RAI1: variants seen among roughly 807,000 people sequenced by gnomAD.
The protein encoded by RAI1 is retinoic acid induced 1, also known as retinoic acid-induced protein 1.
A neutral mutation model predicts 123.8 loss-of-function variants in RAI1; 9 were observed. That is an observed-to-expected ratio of 0.07 (90% CI 0.04 to 0.13). The LOEUF (loss-of-function observed/expected upper bound fraction) is 0.13, where lower values mean the gene tolerates loss of function less well. RAI1 is among the 10% of genes least tolerant of loss of function. The pLI is 1.00. For synonymous variants in RAI1, 1,231 were observed against 1,127.3 expected (o/e 1.09, Z -1.84); for missense variants, 2,256 against 2,545.8 (o/e 0.89, Z 2.45).
rs1290085497 is a variant in RAI1, at chr17:17,798,411, G to A, written c.5463G>A (p.Glu1821=). ...APAEPGGEAQ[E]HWVHEACAVW... is the part of the protein sequence containing the mutation. ...CAGAGCCCGGCGGGGAGGCCCAGGAGCACTGGGTGCATGAGGCCTGTGCCG... is the reference window on the plus strand; with the variant it reads ...CAGAGCCCGGCGGGGAGGCCCAGGAACACTGGGTGCATGAGGCCTGTGCCG... The change falls in exon 3 of 6, where the codon GAG becomes GAA. Residue 1821 remains glutamate, a synonymous_variant. Transcript: ENST00000353383. 6.2e-7 allele frequency: 1 copy of A among 1,610,514 alleles called. No individual in the cohort carries two copies. Among genetic ancestry groups the A allele is most frequent in the African/African-American group, 1.3e-5 (1 of 74,918 alleles).
At position 17,755,357 on chromosome 17, in the gene RAI1, G is replaced by A. The variant is rs147943890; in HGVS notation, c.-17+31198G>A. Among the ~76,000 whole-genome samples the A allele has an allele frequency of 4.2e-3, 638 of 152,344 alleles. 6 individuals carry two copies. Among genetic ancestry groups the A allele is most frequent in the African/African-American group, 0.014 (601 of 41,568 alleles). On this transcript the variant is annotated intron_variant, in intron 2 of 5. Coordinates refer to ENST00000353383, the MANE Select transcript of RAI1 (RefSeq NM_030665.4). ...GGCGGGAGTGATGCAGAAAGGAGAG[G>A]TGTAGGCCTAGAGTTAGGAGGGCAG...
intron 1 of RAI1, among the ~76,000 whole-genome samples, chr17:17,694,750 C>T (rs1914956865): frequency 6.7e-6 from 1 of 150,160 alleles, no homozygotes; most frequent in East Asian, 1.9e-4. Context: ...GCGCTGAGGC[C>T]AGGCGGGGGG....
At chr17:17,750,758 G>A (rs1265392967) in intron 2 of RAI1, among the ~76,000 whole-genome samples, 1 of 151,344 alleles carries the variant, frequency 6.6e-6, no homozygotes, top group Non-Finnish European at 1.5e-5. Context: ...GCAGCCAAAG[G>A]CTGAGACCCT....
chr17:17,692,274 G>A (rs547548709), intron 1 of RAI1, among the ~76,000 whole-genome samples: 1 of 152,186 alleles, frequency 6.6e-6, no homozygotes, highest in Non-Finnish European at 1.5e-5. Flanking sequence ...TTGGGAAGGT[G>A]GGGGGTTCCT....
chr17:17,796,837 A>T lies in RAI1; in HGVS notation c.3889A>T (p.Thr1297Ser), dbSNP rs771536881. 3.1e-6 allele frequency: 5 copies of T among 1,610,482 alleles called. No individual in the cohort carries two copies. The Admixed American group carries it at 8.4e-5, about 27-fold the overall frequency. The change falls in exon 3 of 6, where the codon ACC becomes TCC. Residue 1297 changes from threonine to serine, a missense_variant. Transcript: ENST00000353383. The surrounding 1 kb of genome is among the most constrained non-coding windows in gnomAD (Gnocchi z 5.8). ...EPATKLPPPE[T>S]PDACLKLASR... ...TGCCACAAAGCTCCCACCCCCGGAGACCCCCGATGCCTGCCTCAAGCTCGC... is the reference window on the plus strand; with the variant it reads ...TGCCACAAAGCTCCCACCCCCGGAGTCCCCCGATGCCTGCCTCAAGCTCGC...
rs370850432 is a variant in RAI1 at position 17,796,673 on chromosome 17, G to C, written c.3725G>C (p.Arg1242Pro). The C allele has an allele frequency of 6.2e-7, 1 of 1,612,808 alleles. No individual in the cohort carries two copies. ...VPTKKRNLVL[R>P]SRSSSSSNAS... ...ACCAAGAAGCGGAACCTGGTCTTGC[G>C]GAGCCGCAGCAGCAGCAGCAGCAAC... Residue 1242 changes from arginine (R) to proline (P), a missense_variant, in exon 3 of 6, where the codon CGG (arginine) becomes CCG (proline). By Grantham distance (103) the Arg-to-Pro change is moderately radical. This residue lies in a region of RAI1 where 322 missense variants were observed against 358.0 expected (regional missense o/e 0.90). Coordinates refer to ENST00000353383, the MANE Select transcript of RAI1 (RefSeq NM_030665.4). This position sits in a 1 kb window ranked among gnomAD's most constrained non-coding sequence, Gnocchi z 5.8.
At chr17:17,712,500 G>A (rs1352435959) in intron 1 of RAI1, among the ~76,000 whole-genome samples, 1 of 152,226 alleles carries the variant, frequency 6.6e-6, no homozygotes, top group African/African-American at 2.4e-5. Context: ...TGGCATAGGA[G>A]ACTGTGGGCT....
chr17:17,802,157 A>T (rs1271199702), intron 3 of RAI1: 2 of 470,934 alleles, frequency 4.2e-6, no homozygotes, highest in Non-Finnish European at 4.4e-6. Context: ...GTCCACTCCA[A>T]GCAGCTGGTC....
intron 1 of RAI1, among the ~76,000 whole-genome samples, chr17:17,695,874 C>G (rs1390827031): frequency 6.6e-6 from 1 of 152,170 alleles, no homozygotes; most frequent in African/African-American, 2.4e-5. Flanking sequence ...CACCTCCTAC[C>G]TGTACTGAGT....
intron 2 of RAI1, among the ~76,000 whole-genome samples, chr17:17,728,484 G>A (rs997730129): frequency 6.6e-6 from 1 of 152,222 alleles, no homozygotes. Context: ...GATGCAAAAT[G>A]GGGTAGGGTC....
chr17:17,723,760 G>A (rs1915971247), intron 1 of RAI1, among the ~76,000 whole-genome samples: 1 of 146,302 alleles, frequency 6.8e-6, no homozygotes, highest in Admixed American at 6.8e-5. Flanking sequence ...CCCCCTCATC[G>A]CGCGCCCCTC....
intron 1 of RAI1, among the ~76,000 whole-genome samples, chr17:17,709,010 A>T (rs1915479536): frequency 6.6e-6 from 1 of 152,326 alleles, no homozygotes; most frequent in Non-Finnish European, 1.5e-5. Context: ...GGGCCAGGAC[A>T]TGCCGCTTTA....
intron 2 of RAI1, among the ~76,000 whole-genome samples, chr17:17,748,160 T>C (rs1598051445): frequency 6.6e-6 from 1 of 152,362 alleles, no homozygotes; most frequent in Admixed American, 6.5e-5. Context: ...TCTTTACTCA[T>C]TCATCTAACA....
At chr17:17,732,999 C>T (rs374560288) in intron 2 of RAI1, among the ~76,000 whole-genome samples, 45 of 152,224 alleles carry the variant, frequency 3.0e-4, no homozygotes, top group African/African-American at 9.6e-4. Context: ...ATTTTGCTTC[C>T]CTGAAAAAAA....
intron 1 of RAI1, among the ~76,000 whole-genome samples, chr17:17,690,580 T>TAACAA: frequency 6.6e-6 from 1 of 152,184 alleles, no homozygotes; most frequent in Non-Finnish European, 1.5e-5. Flanking sequence ...TTCATAGTTT[T>TAACAA]GTTAAGAGGA....
rs757834711 is a variant in RAI1 at position 17,796,653 on chromosome 17, G to A, written c.3705G>A (p.Lys1235=). The stretch of plus-strand genomic sequence containing the variant: ...CCTTCATGGCGCCGGTCCCCACCAA[G>A]AAGCGGAACCTGGTCTTGCGGAGCC... The part of the protein sequence containing the change: ...KSAFMAPVPT[K]KRNLVLRSRS... The change falls in exon 3 of 6, where the codon AAG becomes AAA. Residue 1235 remains lysine, a synonymous_variant. Coordinates refer to ENST00000353383, the MANE Select transcript of RAI1 (RefSeq NM_030665.4). The surrounding 1 kb of genome is among the most constrained non-coding windows in gnomAD (Gnocchi z 5.8). The A allele has an allele frequency of 3.1e-6, 5 of 1,612,210 alleles. No homozygotes were observed. The African/African-American group carries it at 5.3e-5, about 17-fold the overall frequency.
In RAI1 at chr17:17,795,334, G is replaced by A. The variant is rs1438969690; in HGVS notation, c.2386G>A (p.Glu796Lys). ...EASACLGFQEEDPPGEKVASL... is the reference protein window; with the variant it reads ...EASACLGFQEKDPPGEKVASL... The stretch of plus-strand genomic sequence containing the variant: ...TTCGGCCTGCCTGGGCTTCCAGGAG[G>A]AGGACCCCCCTGGGGAGAAGGTGGC... Residue 796 changes from glutamate (E) to lysine (K), a missense_variant, in exon 3 of 6, where the codon GAG (glutamate) becomes AAG (lysine). This residue lies in a region of RAI1 where 566 missense variants were observed against 616.0 expected (regional missense o/e 0.92). Transcript: ENST00000353383. This position sits in a 1 kb window ranked among gnomAD's most constrained non-coding sequence, Gnocchi z 5.9. The A allele has an allele frequency of 6.2e-7, 1 of 1,603,328 alleles. No homozygotes were observed. Among genetic ancestry groups the A allele is most frequent in the Non-Finnish European group, 8.5e-7 (1 of 1,172,458 alleles).
At chr17:17,707,997 G>C (rs1363076279) in intron 1 of RAI1, among the ~76,000 whole-genome samples, 1 of 152,174 alleles carries the variant, frequency 6.6e-6, no homozygotes, top group East Asian at 1.9e-4. Context: ...GCCAGACAGA[G>C]CTTGAAGGGG....
At chr17:17,710,445 T>G (rs1335819807) in intron 1 of RAI1, among the ~76,000 whole-genome samples, 2 of 152,124 alleles carry the variant, frequency 1.3e-5, no homozygotes, top group Non-Finnish European at 2.9e-5. Context: ...CAGTGCTCCA[T>G]CCCCCACCCC....
Sources: allele counts gnomAD v4.1 joint callset (sites outside exome capture counted in the v4.1 genomes callset), GRCh38; gene constraint gnomAD v4.1.1; regional missense constraint gnomAD v4.1.1; non-coding constraint Gnocchi (gnomAD v3.1); transcripts MANE v1.5; gene names NCBI Gene and HGNC (gene_info 2026-07-23, HGNC 2026-07-21).